MAST4: variants seen among roughly 807,000 people sequenced by gnomAD.
MAST4 encodes microtubule associated serine/threonine kinase family member 4, also known as microtubule-associated serine/threonine-protein kinase 4.
Under a neutral mutation model 162.7 loss-of-function variants are expected in MAST4, and 89 were observed. That is an observed-to-expected ratio of 0.55 (90% CI 0.46 to 0.65). MAST4 has a LOEUF of 0.65. Among genes scored for constraint, MAST4 ranks in the 30% least tolerant of loss-of-function variants. The pLI, the probability that MAST4 is intolerant of heterozygous loss-of-function variation, is 0.00. For synonymous variants in MAST4, 1,479 were observed against 1,361.1 expected, an observed-to-expected ratio of 1.09 and a Z score of -1.91; for missense variants, 3,153 against 3,374.0, an observed-to-expected ratio of 0.93 and a Z score of 1.62.
chr5:66,662,035 GC>G (rs1746944528), intron 1 of MAST4, among the ~76,000 whole-genome samples: 1 of 151,476 alleles, frequency 6.6e-6, no homozygotes, highest in African/African-American at 2.4e-5. Flanking sequence ...AAGTAGGTTT[GC>G]CCTATACTGT....
intron 3 of MAST4, among the ~76,000 whole-genome samples, chr5:66,793,505 T>C (rs892257902): frequency 2.0e-5 from 3 of 152,216 alleles, no homozygotes; most frequent in African/African-American, 7.2e-5. Context: ...GCAAGAAAGA[T>C]GGAAATTTCA....
At chr5:67,050,361 G>A (rs1369348628) in intron 4 of MAST4, among the ~76,000 whole-genome samples, 2 of 152,170 alleles carry the variant, frequency 1.3e-5, no homozygotes, top group Admixed American at 6.5e-5. Flanking sequence ...TCACTCCAAA[G>A]CATCTCCACC....
At chr5:66,901,548 G>A (rs968296252) in intron 4 of MAST4, among the ~76,000 whole-genome samples, 1 of 152,070 alleles carries the variant, frequency 6.6e-6, no homozygotes, top group Non-Finnish European at 1.5e-5. Flanking sequence ...AATGACATAA[G>A]TTTGTTTGGA....
chr5:67,131,892 C>CTTG lies in MAST4; in HGVS notation c.2035_2037dup (p.Leu679dup). The CTTG allele has an allele frequency of 6.2e-7, 1 of 1,613,308 alleles. No individual in the cohort carries two copies. The highest frequency in any genetic ancestry group is 8.5e-7 in the Non-Finnish European group (1 of 1,179,382). ...CCAGAATGTACTTTGCTGAGACGGT[C>CTTG]TTGGCCTTGGAATATTTACATAATT... On this transcript the variant is annotated inframe_insertion, in exon 16 of 29. Coordinates refer to ENST00000403625, the MANE Select transcript of MAST4 (RefSeq NM_001164664.2).
intron 3 of MAST4, among the ~76,000 whole-genome samples, chr5:66,798,020 A>G (rs868505800): frequency 6.6e-5 from 10 of 152,170 alleles, no homozygotes; most frequent in African/African-American, 2.2e-4. Context: ...TATAAGGTGG[A>G]TGGTGAGCCT....
At position 67,163,904 on chromosome 5, in the gene MAST4, A is replaced by G; in HGVS notation, c.4725A>G (p.Lys1575=). Reference sequence around the variant, plus strand: ...TTAAGCTGGAAGAGAGAGAGAAGAAAGTCTATCCGAAGGCTGTGGAAAGGT... The same window carrying G: ...TTAAGCTGGAAGAGAGAGAGAAGAAGGTCTATCCGAAGGCTGTGGAAAGGT... ...ALFKLEEREK[K]VYPKAVERSS... is the part of the protein sequence containing the mutation. Residue 1575 remains lysine (K), a synonymous_variant, in exon 29 of 29, where the codon AAA becomes AAG. Coordinates refer to ENST00000403625, the MANE Select transcript of MAST4 (RefSeq NM_001164664.2). The surrounding 1 kb of genome is among the most constrained non-coding windows in gnomAD (Gnocchi z 7.0). 6.2e-7 allele frequency: 1 copy of G among 1,614,018 alleles called. No homozygotes were observed.
chr5:66,916,876 C>T, intron 4 of MAST4: 1 of 648,008 alleles, frequency 1.5e-6, no homozygotes, highest in South Asian at 1.8e-5. Context: ...AACTGACATT[C>T]TTGTTGTTTT....
intron 1 of MAST4, among the ~76,000 whole-genome samples, chr5:66,722,399 G>A (rs893470418): frequency 2.0e-5 from 3 of 150,792 alleles, no homozygotes; most frequent in Non-Finnish European, 4.4e-5. Flanking sequence ...GCGGCTTAGA[G>A]TGACCACCTG....
intron 6 of MAST4, among the ~76,000 whole-genome samples, chr5:67,094,762 A>G (rs573232049): frequency 1.3e-5 from 2 of 152,236 alleles, no homozygotes; most frequent in East Asian, 3.9e-4. Flanking sequence ...ACCCTTATCC[A>G]CAGCCAAACT....
intron 5 of MAST4, among the ~76,000 whole-genome samples, chr5:67,087,646 A>G (rs1763391259): frequency 6.6e-6 from 1 of 152,234 alleles, no homozygotes; most frequent in South Asian, 2.1e-4. Context: ...TTAAGGAATT[A>G]TCAGTTGCTC....
intron 1 of MAST4, among the ~76,000 whole-genome samples, chr5:66,629,243 C>T (rs902645579): frequency 6.6e-6 from 1 of 152,144 alleles, no homozygotes; most frequent in African/African-American, 2.4e-5. Context: ...AAAATATGTT[C>T]TCCTTGCCCC....
rs781226177 is a variant in MAST4 at position 67,166,957 on chromosome 5, G to A, written c.7778G>A (p.Arg2593His). 3.7e-6 allele frequency: 6 copies of A among 1,612,428 alleles called. No homozygotes were observed. Among genetic ancestry groups the A allele is most frequent in the African/African-American group, 2.7e-5 (2 of 74,972 alleles). Residue 2593 changes from arginine to histidine, a missense_variant, in exon 29 of 29, where the codon CGC becomes CAC. Around this residue, in one of 7 missense-constraint regions of MAST4, gnomAD observed 1,644 missense variants for 1,495.0 expected, o/e 1.10. Transcript: ENST00000403625. ...CCATCCCCAGCCCCAAACACTGACC[G>A]CCCCATCTCTCTTTCTAATGAGAAG... is the stretch of plus-strand genomic sequence containing the variant. ...TKPSPAPNTD[R>H]PISLSNEKDF...
At chr5:66,684,860 C>T (rs574053484) in intron 1 of MAST4, among the ~76,000 whole-genome samples, 6 of 152,154 alleles carry the variant, frequency 3.9e-5, no homozygotes, top group Non-Finnish European at 8.8e-5. Context: ...TGCTGCTCAG[C>T]GCTTGTGGGA....
chr5:67,157,553 C>T (rs369546906), intron 26 of MAST4, among the ~76,000 whole-genome samples: 98 of 152,304 alleles, frequency 6.4e-4, no homozygotes, highest in Middle Eastern at 3.4e-3. Flanking sequence ...TACCATGCCA[C>T]GTGTCAATCA....
chr5:67,028,196 G>C (rs1754898734), intron 4 of MAST4, among the ~76,000 whole-genome samples: 2 of 131,648 alleles, frequency 1.5e-5, no homozygotes, highest in Non-Finnish European at 3.5e-5. Context: ...GGCTGTGAAA[G>C]AAGTAAACAA....
At chr5:67,139,041 G>A (rs935923611) in intron 19 of MAST4, among the ~76,000 whole-genome samples, 3 of 152,082 alleles carry the variant, frequency 2.0e-5, no homozygotes, top group Non-Finnish European at 2.9e-5. Flanking sequence ...TCTTTTTAGG[G>A]TTTGACAGTT....
chr5:66,703,302 G>A (rs1044955453), intron 1 of MAST4, among the ~76,000 whole-genome samples: 3 of 152,278 alleles, frequency 2.0e-5, no homozygotes, highest in African/African-American at 7.2e-5. Context: ...AGCATTTATG[G>A]CATGAGCAGC....
intron 4 of MAST4, among the ~76,000 whole-genome samples, chr5:67,031,496 C>T (rs766947688): frequency 6.6e-6 from 1 of 152,104 alleles, no homozygotes; most frequent in Admixed American, 6.6e-5. Context: ...GCTCCATTTG[C>T]ACTAAAATAA....
At chr5:66,973,074 C>T (rs1034325423) in intron 4 of MAST4, among the ~76,000 whole-genome samples, 1 of 152,050 alleles carries the variant, frequency 6.6e-6, no homozygotes, top group African/African-American at 2.4e-5. Context: ...TCTCTCTTAG[C>T]CCCTAGATGT....
Sources: gnomAD v4.1 joint callset for allele counts (sites outside exome capture counted in the v4.1 genomes callset) on GRCh38, gnomAD v4.1.1 for gene constraint, gnomAD v4.1.1 regional missense constraint, Gnocchi (gnomAD v3.1) non-coding constraint, MANE v1.5 for transcripts, NCBI Gene and HGNC (gene_info 2026-07-23, HGNC 2026-07-21) for gene names.